The following KIF2B variants were observed in gnomAD, a reference collection of about 807,000 sequenced individuals.
The protein encoded by KIF2B is kinesin-like protein KIF2B.
In KIF2B, 5 loss-of-function variants were observed where a neutral mutation model predicts 6.8. That is an observed-to-expected ratio of 0.74 (90% confidence interval 0.39 to 1.55). The LOEUF (loss-of-function observed/expected upper bound fraction) is 1.55, where lower values mean the gene tolerates loss of function less well. KIF2B is among the 40% of genes most tolerant of loss of function. The pLI is 0.03. For missense variants in KIF2B, 908 were observed against 831.3 expected (o/e 1.09, Z -1.13); for synonymous variants, 370 against 330.7 (o/e 1.12, Z -1.29).
chr17:53,825,130 C>A lies in KIF2B; in HGVS notation c.*75C>A. The A allele has an allele frequency of 6.7e-6, 5 of 746,982 alleles. No homozygotes were observed. The highest frequency in any genetic ancestry group is 1.0e-5 in the Non-Finnish European group (5 of 502,346). 46.3% of individuals were successfully genotyped at this position (746,982 alleles called of 1,614,324 possible). A position where few individuals can be genotyped will look rare whatever the true frequency, so the allele number is the denominator to read the frequency against. ...ACCACTCTTATACAGGAAAACTGTC[C>A]AAATTATCTAAAGATCCTCCTGAGA... On this transcript the variant is annotated 3_prime_UTR_variant, in exon 1 of 1. Coordinates refer to ENST00000268919, the MANE Select transcript of KIF2B (RefSeq NM_032559.5).
chr17:53,824,015 A>G lies in KIF2B; in HGVS notation c.982A>G (p.Ile328Val). Residue 328 changes from isoleucine (I) to valine (V), a missense_variant, in exon 1 of 1, where the codon ATT becomes GTT. Transcript: ENST00000268919. ...SGTAQDCSKG[I>V]YALVAQDVFL... ...AACGGCCCAAGATTGTTCTAAGGGCATTTATGCTCTGGTGGCACAGGATGT... is the reference window on the plus strand; with the variant it reads ...AACGGCCCAAGATTGTTCTAAGGGCGTTTATGCTCTGGTGGCACAGGATGT... 1 of 1,614,228 alleles carries G rather than the reference A, an allele frequency of 6.2e-7. No homozygotes were observed.
Position 53,824,037 on chromosome 17 carries a change from A to G in KIF2B, c.1004A>G (p.Asp335Gly), listed in dbSNP as rs1236555414. 1 of 1,614,094 alleles carries G rather than the reference A, an allele frequency of 6.2e-7. No homozygotes were observed. The highest frequency in any genetic ancestry group is 8.5e-7 in the Non-Finnish European group (1 of 1,180,044). The change falls in exon 1 of 1, where the codon GAT (aspartate) becomes GGT (glycine). Residue 335 changes from aspartate to glycine, a missense_variant. By Grantham distance (94) the Asp-to-Gly change is moderately conservative (BLOSUM62 -1). Transcript: ENST00000268919. ...GGCATTTATGCTCTGGTGGCACAGG[A>G]TGTCTTTCTCCTGCTCAGAAACTCC... Reference protein sequence around the residue: ...SKGIYALVAQDVFLLLRNSTY... With the variant: ...SKGIYALVAQGVFLLLRNSTY...
rs771734410 is a variant in KIF2B, at chr17:53,824,847, TA to T, written c.1815del (p.Lys607ArgfsTer46). 1 of 1,613,888 alleles carries T rather than the reference TA, an allele frequency of 6.2e-7. No individual in the cohort carries two copies. Among genetic ancestry groups the T allele is most frequent in the Non-Finnish European group, 8.5e-7 (1 of 1,179,906 alleles). On this transcript the variant is annotated frameshift_variant, in exon 1 of 1. Coordinates refer to ENST00000268919, the MANE Select transcript of KIF2B (RefSeq NM_032559.5). LOFTEE classifies it low-confidence loss of function (END_TRUNC). ...IEEVETLPTL[L>X]GKDTTISGKG... is the part of the protein sequence containing the mutation. ...GAGGTTGAAACATTACCCACTCTGT[TA>T]GGGAAGGATACCACAATTTCAGGGA...
chr17:53,823,201 C>T lies in KIF2B; in HGVS notation c.168C>T (p.Val56=). The T allele has an allele frequency of 6.2e-7, 1 of 1,614,170 alleles. No homozygotes were observed. Among genetic ancestry groups the T allele is most frequent in the Non-Finnish European group, 8.5e-7 (1 of 1,180,032 alleles). Residue 56 remains valine (V), a synonymous_variant, in exon 1 of 1, where the codon GTC becomes GTT. Coordinates refer to ENST00000268919, the MANE Select transcript of KIF2B (RefSeq NM_032559.5). Reference sequence around the variant, plus strand: ...AGATCAACAGAGAAAACTATTGGGTCACGGTAGAGTGGGTGGAGAAAGCAG... The same window carrying T: ...AGATCAACAGAGAAAACTATTGGGTTACGGTAGAGTGGGTGGAGAAAGCAG... ...VTEINRENYW[V]TVEWVEKAVK...
In KIF2B at chr17:53,824,858, A is replaced by G. The variant is rs1906522873; in HGVS notation, c.1825A>G (p.Thr609Ala). ...ATTACCCACTCTGTTAGGGAAGGAT[A>G]CCACAATTTCAGGGAAGGGATCTAG... ...ETLPTLLGKD[T>A]TISGKGSSQW... The change falls in exon 1 of 1, where the codon ACC (threonine) becomes GCC (alanine). Residue 609 changes from threonine to alanine, a missense_variant. Thr to Ala is a moderately conservative substitution (Grantham distance 58). Coordinates refer to ENST00000268919, the MANE Select transcript of KIF2B (RefSeq NM_032559.5). The G allele has an allele frequency of 5.0e-6, 8 of 1,613,956 alleles. No individual in the cohort carries two copies. The South Asian group carries it at 6.6e-5, about 13-fold the overall frequency.
Position 53,824,685 on chromosome 17 carries a change from A to G in KIF2B, c.1652A>G (p.His551Arg), listed in dbSNP as rs2143786468. The change falls in exon 1 of 1, where the codon CAT becomes CGT. Residue 551 changes from histidine (H) to arginine (R), a missense_variant. His to Arg is a conservative substitution (Grantham distance 29). Transcript: ENST00000268919. ...KKLNVDVRPY[H>R]RGHYPIGHEA... ...TTAAATGTAGATGTAAGGCCCTACC[A>G]TCGTGGCCACTATCCGATTGGACAT... 1.2e-6 allele frequency: 2 copies of G among 1,614,206 alleles called. No individual in the cohort carries two copies. Among genetic ancestry groups the G allele is most frequent in the Admixed American group, 1.7e-5 (1 of 60,030 alleles).
chr17:53,824,078 G>A lies in KIF2B; in HGVS notation c.1045G>A (p.Asp349Asn), dbSNP rs1906493090. 1.2e-6 allele frequency: 2 copies of A among 1,614,098 alleles called. No individual in the cohort carries two copies. Among genetic ancestry groups the A allele is most frequent in the African/African-American group, 2.7e-5 (2 of 74,938 alleles). ...LLRNSTYEKL[D>N]LKVYGTFFEI... The stretch of plus-strand genomic sequence containing the variant: ...CAGAAACTCCACATATGAGAAGCTG[G>A]ACCTCAAAGTCTATGGGACATTTTT... Residue 349 changes from aspartate to asparagine, a missense_variant, in exon 1 of 1, where the codon GAC becomes AAC. Physicochemically the swap from Asp to Asn is conservative, Grantham distance 23. Transcript: ENST00000268919.
Position 53,823,225 on chromosome 17 carries a change from A to C in KIF2B, c.192A>C (p.Ala64=), listed in dbSNP as rs2143778299. 1 of 1,614,206 alleles carries C rather than the reference A, an allele frequency of 6.2e-7. No individual in the cohort carries two copies. The highest frequency in any genetic ancestry group is 8.5e-7 in the Non-Finnish European group (1 of 1,180,034). ...TCACGGTAGAGTGGGTGGAGAAAGC[A>C]GTCAAAAAAGGCAAGAAGATTGACC... ...YWVTVEWVEK[A]VKKGKKIDLE... is the part of the protein sequence containing the mutation. Residue 64 remains alanine, a synonymous_variant, in exon 1 of 1, where the codon GCA becomes GCC. Transcript: ENST00000268919.
chr17:53,824,810 A>G lies in KIF2B; in HGVS notation c.1777A>G (p.Lys593Glu), dbSNP rs2143787103. 6.2e-7 allele frequency: 1 copy of G among 1,613,996 alleles called. No homozygotes were observed. Among genetic ancestry groups the G allele is most frequent in the Non-Finnish European group, 8.5e-7 (1 of 1,179,942 alleles). The part of the protein sequence containing the change: ...KIPYVQSEEQ[K>E]EIEEVETLPT... ...ACCTTATGTACAGAGTGAGGAGCAG[A>G]AAGAGATTGAAGAGGTTGAAACATT... The change falls in exon 1 of 1, where the codon AAA becomes GAA. Residue 593 changes from lysine to glutamate, a missense_variant. Transcript: ENST00000268919.
Position 53,824,800 on chromosome 17 carries a change from T to C in KIF2B, c.1767T>C (p.Ser589=). 1 of 1,613,514 alleles carries C rather than the reference T, an allele frequency of 6.2e-7. No individual in the cohort carries two copies. The change falls in exon 1 of 1, where the codon AGT becomes AGC. Residue 589 remains serine, a synonymous_variant. Coordinates refer to ENST00000268919, the MANE Select transcript of KIF2B (RefSeq NM_032559.5). ...TTATTAAAATACCTTATGTACAGAG[T>C]GAGGAGCAGAAAGAGATTGAAGAGG... is the stretch of plus-strand genomic sequence containing the variant. ...DEFIKIPYVQ[S]EEQKEIEEVE... is the part of the protein sequence containing the mutation.
In KIF2B at chr17:53,823,992, CG is replaced by C; in HGVS notation, c.961del (p.Ala321ProfsTer48). The C allele has an allele frequency of 6.2e-7, 1 of 1,614,218 alleles. No homozygotes were observed. On this transcript the variant is annotated frameshift_variant, in exon 1 of 1. Coordinates refer to ENST00000268919, the MANE Select transcript of KIF2B (RefSeq NM_032559.5). LOFTEE classifies it low-confidence loss of function (END_TRUNC). The stretch of plus-strand genomic sequence containing the variant: ...ACCATGGGTGGAGACTTTTCAGGAA[CG>C]GCCCAAGATTGTTCTAAGGGCATTT... The part of the protein sequence containing the change: ...TYTMGGDFSG[T>X]AQDCSKGIYA...
At position 53,824,075 on chromosome 17, in the gene KIF2B, C is replaced by A. The variant is rs749796198; in HGVS notation, c.1042C>A (p.Leu348Met). ...LLLRNSTYEK[L>M]DLKVYGTFFE... ...GCTCAGAAACTCCACATATGAGAAG[C>A]TGGACCTCAAAGTCTATGGGACATT... The change falls in exon 1 of 1, where the codon CTG becomes ATG. Residue 348 changes from leucine (L) to methionine (M), a missense_variant. By Grantham distance (15) the Leu-to-Met change is conservative. Transcript: ENST00000268919. 14 of 1,614,082 alleles carry A rather than the reference C, an allele frequency of 8.7e-6. No homozygotes were observed. Among genetic ancestry groups the A allele is most frequent in the South Asian group, 1.1e-5 (1 of 91,088 alleles).
chr17:53,823,557 C>T lies in KIF2B; in HGVS notation c.524C>T (p.Ala175Val), dbSNP rs1165351887. Residue 175 changes from alanine (A) to valine (V), a missense_variant, in exon 1 of 1, where the codon GCC becomes GTC. By Grantham distance (64) the Ala-to-Val change is moderately conservative. Coordinates refer to ENST00000268919, the MANE Select transcript of KIF2B (RefSeq NM_032559.5). ...RLQQEIRARR[A>V]LDVNTRNPNY... ...CAGCAGGAGATCCGAGCTAGACGCG[C>T]CCTCGATGTCAATACCAGAAACCCC... The T allele has an allele frequency of 1.2e-6, 2 of 1,613,398 alleles. No individual in the cohort carries two copies. The highest frequency in any genetic ancestry group is 1.1e-5 in the South Asian group (1 of 91,086).
In KIF2B at chr17:53,822,946, A is replaced by G; in HGVS notation, c.-88A>G. 2.5e-6 allele frequency: 3 copies of G among 1,201,030 alleles called. No homozygotes were observed. In the East Asian group the frequency reaches 7.5e-5, roughly 30 times the overall value. 74.4% of individuals were successfully genotyped at this position (1,201,030 alleles called of 1,614,324 possible). A position where few individuals can be genotyped will look rare whatever the true frequency, so the allele number is the denominator to read the frequency against. ...GCAGGCACAGACTGCAACCCTGCTC[A>G]GTGCTCCGGGCGCTTCAGGCTGGCT... On this transcript the variant is annotated 5_prime_UTR_variant, in exon 1 of 1. Coordinates refer to ENST00000268919, the MANE Select transcript of KIF2B (RefSeq NM_032559.5).
rs759125009 is a variant in KIF2B, at chr17:53,824,843, C to G, written c.1810C>G (p.Leu604Val). The G allele has an allele frequency of 7.3e-5, 118 of 1,613,766 alleles. No homozygotes were observed. Among genetic ancestry groups the G allele is most frequent in the Admixed American group, 2.7e-4 (16 of 59,988 alleles). ...EIEEVETLPT[L>V]LGKDTTISGK... The stretch of plus-strand genomic sequence containing the variant: ...TGAAGAGGTTGAAACATTACCCACT[C>G]TGTTAGGGAAGGATACCACAATTTC... The change falls in exon 1 of 1, where the codon CTG becomes GTG. Residue 604 changes from leucine (L) to valine (V), a missense_variant. Leu to Val is a conservative substitution (Grantham distance 32). Coordinates refer to ENST00000268919, the MANE Select transcript of KIF2B (RefSeq NM_032559.5).
In KIF2B at chr17:53,824,087, G is replaced by A. The variant is rs1464899812; in HGVS notation, c.1054G>A (p.Val352Ile). 6.2e-7 allele frequency: 1 copy of A among 1,614,092 alleles called. No homozygotes were observed. The highest frequency in any genetic ancestry group is 8.5e-7 in the Non-Finnish European group (1 of 1,180,046). The change falls in exon 1 of 1, where the codon GTC (valine) becomes ATC (isoleucine). Residue 352 changes from valine to isoleucine, a missense_variant. Physicochemically the swap from Val to Ile is conservative, Grantham distance 29. Transcript: ENST00000268919. ...NSTYEKLDLK[V>I]YGTFFEIYGG... ...CACATATGAGAAGCTGGACCTCAAAGTCTATGGGACATTTTTTGAGATTTA... is the reference window on the plus strand; with the variant it reads ...CACATATGAGAAGCTGGACCTCAAAATCTATGGGACATTTTTTGAGATTTA...
rs186833308 is a variant in KIF2B at position 53,824,540 on chromosome 17, C to T, written c.1507C>T (p.Leu503Phe). Residue 503 changes from leucine (L) to phenylalanine (F), a missense_variant, in exon 1 of 1, where the codon CTC becomes TTC. By Grantham distance (22) the Leu-to-Phe change is conservative. Coordinates refer to ENST00000268919, the MANE Select transcript of KIF2B (RefSeq NM_032559.5). ...PFRASKLTLV[L>F]RDSFIGQNSS... Reference sequence around the variant, plus strand: ...CAGAGCCAGCAAACTCACACTGGTGCTCCGGGACTCCTTTATAGGCCAGAA... The same window carrying T: ...CAGAGCCAGCAAACTCACACTGGTGTTCCGGGACTCCTTTATAGGCCAGAA... 3.8e-4 allele frequency: 606 copies of T among 1,614,162 alleles called. 6 individuals carry two copies. The Admixed American group carries it at 9.5e-3, about 25-fold the overall frequency.
chr17:53,824,884 C>T lies in KIF2B; in HGVS notation c.1851C>T (p.Ser617=), dbSNP rs746091963. 6.2e-7 allele frequency: 1 copy of T among 1,614,066 alleles called. No individual in the cohort carries two copies. The highest frequency in any genetic ancestry group is 8.5e-7 in the Non-Finnish European group (1 of 1,179,966). Residue 617 remains serine (S), a synonymous_variant, in exon 1 of 1, where the codon AGC becomes AGT. Coordinates refer to ENST00000268919, the MANE Select transcript of KIF2B (RefSeq NM_032559.5). ...CCACAATTTCAGGGAAGGGATCTAG[C>T]CAATGGCTGGAAAACATCCAGGAGA... ...KDTTISGKGS[S]QWLENIQERA...
chr17:53,824,381 G>A lies in KIF2B; in HGVS notation c.1348G>A (p.Gly450Arg), dbSNP rs2143785044. The change falls in exon 1 of 1, where the codon GGG becomes AGG. Residue 450 changes from glycine (G) to arginine (R), a missense_variant. Gly to Arg is a moderately radical substitution (Grantham distance 125). Coordinates refer to ENST00000268919, the MANE Select transcript of KIF2B (RefSeq NM_032559.5). ...CAAGTTTTCCCTCGTTGATTTAGCTGGGAATGAAAGAGGAGCAGATACAAC... is the reference window on the plus strand; with the variant it reads ...CAAGTTTTCCCTCGTTGATTTAGCTAGGAATGAAAGAGGAGCAGATACAAC... ...HGKFSLVDLA[G>R]NERGADTTKA... is the part of the protein sequence containing the mutation. 1 of 1,614,134 alleles carries A rather than the reference G, an allele frequency of 6.2e-7. No individual in the cohort carries two copies. Among genetic ancestry groups the A allele is most frequent in the Non-Finnish European group, 8.5e-7 (1 of 1,180,046 alleles).
Sources: gnomAD v4.1 joint callset for allele counts on GRCh38, gnomAD v4.1.1 for gene constraint, MANE v1.5 for transcripts, NCBI Gene and HGNC (gene_info 2026-07-23, HGNC 2026-07-21) for gene names.